NEGR1: variants seen among roughly 807,000 people sequenced by gnomAD.
The protein encoded by NEGR1 is neuronal growth regulator 1.
In NEGR1, 10 loss-of-function variants were observed where a neutral mutation model predicts 40.9. The observed-to-expected ratio is 0.24, with a 90% confidence interval of 0.15 to 0.42. NEGR1 has a LOEUF of 0.42. Ranked by LOEUF, NEGR1 falls within the 10% of genes least tolerant of loss-of-function variation. The pLI is 1.00. For missense variants in NEGR1, 352 were observed against 438.9 expected, an observed-to-expected ratio of 0.80 and a Z score of 1.77; for synonymous variants, 185 against 166.8, an observed-to-expected ratio of 1.11 and a Z score of -0.84.
chr1:71,481,946 C>A (rs1646856717), intron 6 of NEGR1, among the ~76,000 whole-genome samples: 1 of 151,670 alleles, frequency 6.6e-6, no homozygotes, highest in South Asian at 2.1e-4. Context: ...CTCACTTTCT[C>A]TGTACTTTAG....
intron 1 of NEGR1, among the ~76,000 whole-genome samples, chr1:72,016,411 C>T (rs769434155): frequency 6.6e-6 from 1 of 152,102 alleles, no homozygotes; most frequent in Admixed American, 6.6e-5. Context: ...AGGTTTCAAA[C>T]TGAGGCATGT....
chr1:71,790,401 G>A (rs183768004), intron 2 of NEGR1, among the ~76,000 whole-genome samples: 43 of 152,174 alleles, frequency 2.8e-4, no homozygotes, highest in African/African-American at 6.0e-4. Flanking sequence ...AGTTTCAGTC[G>A]TTACAACATG....
At chr1:72,080,130 GT>G (rs1219226658) in intron 1 of NEGR1, among the ~76,000 whole-genome samples, 1 of 151,948 alleles carries the variant, frequency 6.6e-6, no homozygotes, top group Non-Finnish European at 1.5e-5. Flanking sequence ...TGCTATTATT[GT>G]TGGTCTTCAC....
At chr1:71,988,129 G>C (rs1248361511) in intron 1 of NEGR1, among the ~76,000 whole-genome samples, 5 of 152,174 alleles carry the variant, frequency 3.3e-5, no homozygotes, top group Non-Finnish European at 7.3e-5. Context: ...TGTTGACACT[G>C]CCTGCCAGTG....
rs71074804 is a variant in NEGR1 at position 71,759,596 on chromosome 1, C to CTTT, written c.535+16573_535+16575dup. 4.5e-3 allele frequency among the ~76,000 whole-genome samples: 144 copies of CTTT among 31,954 alleles called. 51 individuals carry two copies. Among genetic ancestry groups the CTTT allele is most frequent in the Middle Eastern group, 0.033 (1 of 30 alleles). 21.0% of individuals were successfully genotyped at this position (31,954 alleles called of 152,430 possible). A position where few individuals can be genotyped will look rare whatever the true frequency, so the allele number is the denominator to read the frequency against. On this transcript the variant is annotated intron_variant, in intron 3 of 6. Transcript: ENST00000357731. ...ACAGGCGTGAGCCACTGCGTCCAGG[C>CTTT]TTTTTTTTTTTTTTTTTTTTTTTTT...
At position 71,925,522 on chromosome 1, in the gene NEGR1, G is replaced by A. The variant is rs188947077; in HGVS notation, c.409+9557C>T. The stretch of plus-strand genomic sequence containing the variant: ...CAGTTTTAATTGTGTCCATTTTCTT[G>A]TTGGTGCTACATATGATTAATCCTT... On this transcript the variant is annotated intron_variant, in intron 2 of 6. Transcript: ENST00000357731. 1.3e-4 allele frequency among the ~76,000 whole-genome samples: 20 copies of A among 152,234 alleles called. No individual in the cohort carries two copies. The East Asian group carries it at 3.7e-3, about 28-fold the overall frequency.
rs1442201583 is a variant in NEGR1, at chr1:71,405,276, G to A, written c.*2170C>T. 6 of 152,178 alleles carry A rather than the reference G, an allele frequency of 3.9e-5. No individual in the cohort carries two copies. The highest frequency in any genetic ancestry group is 1.4e-4 in the African/African-American group (6 of 41,408). 9.4% of individuals were successfully genotyped at this position (152,178 alleles called of 1,614,324 possible). On this transcript the variant is annotated 3_prime_UTR_variant, in exon 7 of 7. Transcript: ENST00000357731. Reference sequence around the variant, plus strand: ...GAGGAGGTATTTTAACTCTAGGAAAGCGGTCACTGAATAATATGCATTCTT... The same window carrying A: ...GAGGAGGTATTTTAACTCTAGGAAAACGGTCACTGAATAATATGCATTCTT...
intron 4 of NEGR1, among the ~76,000 whole-genome samples, chr1:71,615,860 G>A (rs1369605350): frequency 7.2e-5 from 11 of 152,170 alleles, no homozygotes; most frequent in Admixed American, 7.2e-4. Context: ...CGAGGCTGTT[G>A]TAGTAATCCT....
chr1:72,069,397 T>A (rs943838270), intron 1 of NEGR1, among the ~76,000 whole-genome samples: 9 of 151,996 alleles, frequency 5.9e-5, no homozygotes, highest in African/African-American at 2.2e-4. Flanking sequence ...TGTACCAGGA[T>A]TGGGCCACTG....
At chr1:71,771,699 C>CACAAAAAA (rs551407909) in intron 3 of NEGR1, among the ~76,000 whole-genome samples, 1 of 12,098 alleles carries the variant, frequency 8.3e-5, no homozygotes, top group East Asian at 3.6e-3. Context: ...GACTTAGTCT[C>CACAAAAAA]AAAAAAAAAA....
At chr1:71,529,545 C>T (rs1047817631) in intron 6 of NEGR1, among the ~76,000 whole-genome samples, 6 of 151,056 alleles carry the variant, frequency 4.0e-5, no homozygotes, top group African/African-American at 1.5e-4. Flanking sequence ...CCTTTCCACT[C>T]TTTAAAATAA....
At chr1:72,223,740 A>AT (rs1351661063) in intron 1 of NEGR1, among the ~76,000 whole-genome samples, 2 of 152,168 alleles carry the variant, frequency 1.3e-5, no homozygotes, top group Non-Finnish European at 2.9e-5. Context: ...AAAGATCATG[A>AT]TTCGGTGATC....
intron 1 of NEGR1, among the ~76,000 whole-genome samples, chr1:72,141,079 G>T (rs1004825320): frequency 2.6e-5 from 4 of 151,966 alleles, no homozygotes; most frequent in African/African-American, 9.7e-5. Context: ...TGTACAAAGT[G>T]TTGGGGAGCA....
chr1:71,885,089 A>T (rs886831310), intron 2 of NEGR1, among the ~76,000 whole-genome samples: 1 of 152,166 alleles, frequency 6.6e-6, no homozygotes, highest in East Asian at 1.9e-4. Context: ...TTAGTCTGAC[A>T]TCTCCCCACC....
intron 4 of NEGR1, among the ~76,000 whole-genome samples, chr1:71,693,609 CTG>C (rs1437403611): frequency 1.3e-5 from 2 of 151,414 alleles, no homozygotes; most frequent in African/African-American, 2.4e-5. Flanking sequence ...GAAGTGAAAA[CTG>C]AGAGTCAGAG....
chr1:72,088,260 A>G (rs1434248415), intron 1 of NEGR1, among the ~76,000 whole-genome samples: 2 of 152,044 alleles, frequency 1.3e-5, no homozygotes, highest in Non-Finnish European at 2.9e-5. Flanking sequence ...TAGAAAGGCA[A>G]AGTGTCAGCT....
chr1:72,095,651 AT>A (rs150630088), intron 1 of NEGR1, among the ~76,000 whole-genome samples: 17 of 152,090 alleles, frequency 1.1e-4, no homozygotes, highest in Admixed American at 5.2e-4. Flanking sequence ...ACATATATAT[AT>A]TTTTTTAAAC....
At chr1:71,951,562 G>A (rs2801329) in intron 1 of NEGR1, among the ~76,000 whole-genome samples, 5,541 of 151,790 alleles carry the variant, frequency 0.037, 334 homozygotes, top group African/African-American at 0.13. Context: ...TTGAGTTCTG[G>A]CCATGCAAGT....
intron 4 of NEGR1, among the ~76,000 whole-genome samples, chr1:71,673,580 A>G (rs1421313956): frequency 1.3e-5 from 2 of 152,110 alleles, no homozygotes; most frequent in South Asian, 4.1e-4. Flanking sequence ...AATTGGAAAC[A>G]TTATTTCTCT....
Sources: gnomAD v4.1 joint callset for allele counts (sites outside exome capture counted in the v4.1 genomes callset) on GRCh38, gnomAD v4.1.1 for gene constraint, MANE v1.5 for transcripts, NCBI Gene and HGNC (gene_info 2026-07-23, HGNC 2026-07-21) for gene names.